DRC11L: variants seen among roughly 807,000 people sequenced by gnomAD.
DRC11L encodes dynein regulatory complex subunit like-11.
At chr7:151,194,207 A>G in the DRC11L span, 2 of 398,412 alleles carry the variant, frequency 5.0e-6, no homozygotes, top group Non-Finnish European at 8.9e-6. Context: ...CCCTCACCCC[A>G]AGGGCTGCCT....
At chr7:151,194,622 A>AC in the DRC11L span, 1 of 399,018 alleles carries the variant, frequency 2.5e-6, no homozygotes, top group Non-Finnish European at 4.4e-6. Flanking sequence ...GCACAGGAAG[A>AC]CCCCCACCAC....
At chr7:151,204,784 C>T in the DRC11L span, 4 of 399,008 alleles carry the variant, frequency 1.0e-5, no homozygotes, top group Non-Finnish European at 1.8e-5. Context: ...TGCTCTTGGT[C>T]CAGCAGCTCC....
chr7:151,204,388 A>T, the DRC11L span: 1 of 258,650 alleles, frequency 3.9e-6, no homozygotes, highest in South Asian at 1.9e-4. Context: ...TCCCTACCCC[A>T]CCCGACCCCA....
At chr7:151,191,772 G>A in the DRC11L span, 1 of 399,196 alleles carries the variant, frequency 2.5e-6, no homozygotes, top group East Asian at 3.6e-5. Flanking sequence ...ATGGCTTGGA[G>A]AATGTGACCC....
At chr7:151,198,161 GGT>G in the DRC11L span, among the ~76,000 whole-genome samples, 7 of 151,590 alleles carry the variant, frequency 4.6e-5, no homozygotes, top group African/African-American at 1.7e-4. Flanking sequence ...TAGAAGGGTG[GGT>G]AGATGTGTGG....
chr7:151,203,316 G>C, the DRC11L span: 1 of 399,094 alleles, frequency 2.5e-6, no homozygotes, highest in Non-Finnish European at 4.4e-6. Context: ...GTAGAGAGCA[G>C]GGAGGGGCCT....
chr7:151,198,958 G>C, the DRC11L span: 1 of 399,134 alleles, frequency 2.5e-6, no homozygotes, highest in Non-Finnish European at 4.4e-6. Context: ...ACGAGGCATG[G>C]CTGGGAGATG....
chr7:151,191,509 T>C, the DRC11L span: 1 of 397,654 alleles, frequency 2.5e-6, no homozygotes, highest in Admixed American at 4.4e-5. Context: ...CCAGCTGAGC[T>C]CCACACACAT....
chr7:151,195,550 G>GCGCAGC, the DRC11L span: 5 of 399,952 alleles, frequency 1.3e-5, no homozygotes, highest in Non-Finnish European at 2.2e-5. Context: ...GCCCTCCCCT[G>GCGCAGC]CCCAGCCCCA....
At chr7:151,204,420 G>A in the DRC11L span, 191 of 395,910 alleles carry the variant, frequency 4.8e-4, 1 homozygote, top group Non-Finnish European at 7.7e-4. Context: ...GCGTGGCTCT[G>A]TGTCCCAGGT....
chr7:151,193,087 T>C, the DRC11L span: 2 of 397,580 alleles, frequency 5.0e-6, no homozygotes, highest in Non-Finnish European at 8.9e-6. Flanking sequence ...GAAACTGCTC[T>C]GTGTCCTCCC....
the DRC11L span, chr7:151,193,282 G>T: frequency 5.0e-6 from 2 of 399,444 alleles, no homozygotes; most frequent in Non-Finnish European, 8.8e-6. Flanking sequence ...AAAGCTGGGG[G>T]CTCCGGACCT....
chr7:151,204,581 G>C, the DRC11L span: 2 of 399,048 alleles, frequency 5.0e-6, no homozygotes, highest in Non-Finnish European at 8.8e-6. Flanking sequence ...GCACCAGCTC[G>C]TCCTTGAGCT....
chr7:151,203,027 G>A, the DRC11L span: 91 of 399,760 alleles, frequency 2.3e-4, no homozygotes, highest in Middle Eastern at 3.8e-3. Flanking sequence ...GCTCGAAGCC[G>A]GCCTTGCCTC....
chr7:151,196,944 C>T, the DRC11L span: 3 of 399,156 alleles, frequency 7.5e-6, no homozygotes, highest in South Asian at 3.8e-4. Context: ...CCACAAGGCA[C>T]AGACACTCTT....
chr7:151,194,249 C>A, the DRC11L span: 6,353 of 399,068 alleles, frequency 0.016, 379 homozygotes, highest in East Asian at 0.14. Context: ...CCCCCAGAGC[C>A]TCTCACCAAG....
the DRC11L span, chr7:151,203,363 G>A: frequency 2.5e-6 from 1 of 399,464 alleles, no homozygotes; most frequent in Non-Finnish European, 4.4e-6. Context: ...ATGGGGTATG[G>A]AAGAGTCTGG....
At chr7:151,205,354 C>T in the DRC11L span, 4 of 398,928 alleles carry the variant, frequency 1.0e-5, no homozygotes, top group Admixed American at 8.8e-5. Flanking sequence ...GTGCCCAAAC[C>T]GCCACTCTGC....
the DRC11L span, chr7:151,200,355 C>T: frequency 2.3e-5 from 9 of 399,072 alleles, no homozygotes; most frequent in African/African-American, 2.1e-5. Context: ...TGTTCCAGGA[C>T]CCACCATGGT....
Sources: gnomAD v4.1 joint callset for allele counts (sites outside exome capture counted in the v4.1 genomes callset) on GRCh38, gnomAD v4.1.1 for gene constraint, MANE v1.5 for transcripts, NCBI Gene and HGNC (gene_info 2026-07-23, HGNC 2026-07-21) for gene names.